ADGRA3: variants seen among roughly 807,000 people sequenced by gnomAD.
ADGRA3 encodes the protein adhesion G protein-coupled receptor A3.
A neutral mutation model predicts 119.8 loss-of-function variants in ADGRA3; 56 were observed. That is an observed-to-expected ratio of 0.47 (90% CI 0.38 to 0.58). The LOEUF (loss-of-function observed/expected upper bound fraction) is 0.58, where lower values mean the gene tolerates loss of function less well. Among genes scored for constraint, ADGRA3 ranks in the 20% least tolerant of loss-of-function variants. ADGRA3 has a pLI of 0.00. For missense variants in ADGRA3, 1,516 were observed against 1,649.0 expected (o/e 0.92, Z 1.40); for synonymous variants, 607 against 623.8 (o/e 0.97, Z 0.40).
intron 10 of ADGRA3, among the ~76,000 whole-genome samples, chr4:22,432,879 T>C (rs1313880810): frequency 6.6e-6 from 1 of 152,336 alleles, no homozygotes; most frequent in East Asian, 1.9e-4. Context: ...AAATCACTCA[T>C]AAAAGAATAA....
At chr4:22,406,970 G>A (rs1255295753) in intron 14 of ADGRA3, among the ~76,000 whole-genome samples, 1 of 152,140 alleles carries the variant, frequency 6.6e-6, no homozygotes, top group Admixed American at 6.6e-5. Context: ...GGCTAGATTG[G>A]GCAATACAAA....
chr4:22,409,556 A>G, intron 14 of ADGRA3, among the ~76,000 whole-genome samples: 1 of 152,152 alleles, frequency 6.6e-6, no homozygotes, highest in East Asian at 1.9e-4. Flanking sequence ...AGTGGGGGTG[A>G]TGACAGTACT....
At chr4:22,495,399 G>GA (rs1718781975) in intron 1 of ADGRA3, among the ~76,000 whole-genome samples, 3 of 151,862 alleles carry the variant, frequency 2.0e-5, no homozygotes, top group Admixed American at 2.0e-4. Flanking sequence ...CCCATCTCTA[G>GA]AAAAAATAAA....
At chr4:22,394,906 T>G (rs981622652) in intron 16 of ADGRA3, 4 of 152,176 alleles carry the variant, frequency 2.6e-5, no homozygotes, top group African/African-American at 9.6e-5. Flanking sequence ...CACTAAATAT[T>G]CTACAAATTT....
rs1714439686 is a variant in ADGRA3, at chr4:22,398,018, TGAA to T, written c.2481+3410_2481+3412del. 16 of 957,558 alleles carry T rather than the reference TGAA, an allele frequency of 1.7e-5. 1 individual carries two copies. The highest frequency in any genetic ancestry group is 2.0e-5 in the Non-Finnish European group (16 of 804,626). 59.3% of individuals were successfully genotyped at this position (957,558 alleles called of 1,614,324 possible). ...GCAAGGTAAGTGGGAGTCAGCGACA[TGAA>T]GAAGAGGAGAAAGACTGAGAACACA... is the stretch of plus-strand genomic sequence containing the variant. On this transcript the variant is annotated intron_variant, in intron 16 of 18. Coordinates refer to ENST00000334304, the MANE Select transcript of ADGRA3 (RefSeq NM_145290.4).
intron 1 of ADGRA3, among the ~76,000 whole-genome samples, chr4:22,512,073 G>A (rs1224211535): frequency 6.8e-6 from 1 of 146,418 alleles, no homozygotes; most frequent in Non-Finnish European, 1.5e-5. Context: ...GCTAATATCT[G>A]TATTTTTAGT....
intron 8 of ADGRA3, among the ~76,000 whole-genome samples, chr4:22,437,880 C>T (rs1290724299): frequency 6.6e-6 from 1 of 152,072 alleles, no homozygotes; most frequent in Non-Finnish European, 1.5e-5. Flanking sequence ...TAAAACCTTC[C>T]AAGGTTCATC....
At position 22,450,021 on chromosome 4, in the gene ADGRA3, C is replaced by T. The variant is rs184418984; in HGVS notation, c.474-2510G>A. On this transcript the variant is annotated intron_variant, in intron 4 of 18. Transcript: ENST00000334304. ...TTTCCTTGAGTGTTGGAACAGATTG[C>T]CATTTGTATGGCTGAACACAAGTGA... Among the ~76,000 whole-genome samples, 22 of 152,218 alleles carry T rather than the reference C, an allele frequency of 1.4e-4. No individual in the cohort carries two copies. The East Asian group carries it at 4.1e-3, about 28-fold the overall frequency.
intron 7 of ADGRA3, among the ~76,000 whole-genome samples, chr4:22,441,326 G>A (rs974043673): frequency 4.6e-5 from 7 of 152,170 alleles, no homozygotes; most frequent in African/African-American, 1.7e-4. Flanking sequence ...ACAGAGCTAG[G>A]AGTTAGTTCA....
At chr4:22,472,711 CAGG>C (rs1413420823) in intron 2 of ADGRA3, among the ~76,000 whole-genome samples, 1 of 152,060 alleles carries the variant, frequency 6.6e-6, no homozygotes, top group Non-Finnish European at 1.5e-5. Flanking sequence ...AGTTCAATCA[CAGG>C]AGAAGCCTCT....
chr4:22,477,211 G>A (rs1022679069), intron 1 of ADGRA3, among the ~76,000 whole-genome samples: 7 of 152,012 alleles, frequency 4.6e-5, no homozygotes, highest in Admixed American at 6.6e-5. Context: ...AGTGACTGAC[G>A]TTAGAAACTT....
At chr4:22,452,266 G>A (rs574915657) in intron 4 of ADGRA3, among the ~76,000 whole-genome samples, 1 of 152,170 alleles carries the variant, frequency 6.6e-6, no homozygotes, top group Non-Finnish European at 1.5e-5. Flanking sequence ...GAGGGGGTAG[G>A]AAGAGGGTGG....
intron 1 of ADGRA3, among the ~76,000 whole-genome samples, chr4:22,512,167 C>T: frequency 6.6e-6 from 1 of 152,128 alleles, no homozygotes; most frequent in Admixed American, 6.5e-5. Flanking sequence ...TCCCAAAGTA[C>T]TGCGATTACA....
At chr4:22,510,984 C>T (rs1443179000) in intron 1 of ADGRA3, among the ~76,000 whole-genome samples, 1 of 152,216 alleles carries the variant, frequency 6.6e-6, no homozygotes, top group African/African-American at 2.4e-5. Context: ...TACTGAGCCA[C>T]ACTGGTGATG....
At position 22,413,307 on chromosome 4, in the gene ADGRA3, G is replaced by T. The variant is rs745775771; in HGVS notation, c.2107C>A (p.Arg703=). Residue 703 remains arginine, a synonymous_variant, in exon 14 of 19, where the codon CGG becomes AGG. Coordinates refer to ENST00000334304, the MANE Select transcript of ADGRA3 (RefSeq NM_145290.4). ...IAHGADAVAA[R]WDFDLLNGQG... ...CCGTTCAGCAAATCGAAATCCCACC[G>T]GGCTGCAACAGCATCTGCTCCATGT... The T allele has an allele frequency of 6.2e-7, 1 of 1,613,818 alleles. No individual in the cohort carries two copies. The highest frequency in any genetic ancestry group is 8.5e-7 in the Non-Finnish European group (1 of 1,179,950).
intron 14 of ADGRA3, among the ~76,000 whole-genome samples, chr4:22,407,993 CA>C (rs1206802542): frequency 6.6e-6 from 1 of 151,986 alleles, no homozygotes; most frequent in Admixed American, 6.5e-5. Context: ...AAGAGTTTAC[CA>C]TTAAAATTTT....
In ADGRA3 at chr4:22,413,358, C is replaced by T; in HGVS notation, c.2056G>A (p.Val686Ile). Residue 686 changes from valine (V) to isoleucine (I), a missense_variant, in exon 14 of 19, where the codon GTT becomes ATT. Coordinates refer to ENST00000334304, the MANE Select transcript of ADGRA3 (RefSeq NM_145290.4). ...GCAATTCGACGCAGTGTCACATTAA[C>T]AGGGATGTGGTGGGTATCTACATTC... is the stretch of plus-strand genomic sequence containing the variant. ...GVNVDTHHIPVNVTLRRIAHG... is the reference protein window; with the variant it reads ...GVNVDTHHIPINVTLRRIAHG... 2 of 1,614,012 alleles carry T rather than the reference C, an allele frequency of 1.2e-6. No individual in the cohort carries two copies. The highest frequency in any genetic ancestry group is 8.5e-7 in the Non-Finnish European group (1 of 1,179,932).
intron 3 of ADGRA3, among the ~76,000 whole-genome samples, chr4:22,461,412 T>G (rs1245544544): frequency 6.6e-6 from 1 of 152,226 alleles, no homozygotes; most frequent in Non-Finnish European, 1.5e-5. Context: ...GTGATTCTCC[T>G]GCCTCAGCCT....
At chr4:22,391,279 G>T (rs73110181) in intron 17 of ADGRA3, among the ~76,000 whole-genome samples, 27,516 of 151,942 alleles carry the variant, frequency 0.18, 4,742 homozygotes, top group African/African-American at 0.46. Context: ...AAAGTACTGA[G>T]GAGCCTGCCA....
Sources: allele counts gnomAD v4.1 joint callset (sites outside exome capture counted in the v4.1 genomes callset), GRCh38; gene constraint gnomAD v4.1.1; transcripts MANE v1.5; gene names NCBI Gene and HGNC (gene_info 2026-07-23, HGNC 2026-07-21).